Variants in ANKFN1 observed in about 807,000 individuals in gnomAD.
ANKFN1 encodes the protein ankyrin repeat and fibronectin type III domain containing 1.
A neutral mutation model predicts 108.7 loss-of-function variants in ANKFN1; 74 were observed. The ratio of observed to expected loss-of-function variants is 0.68; its 90% CI spans 0.56 to 0.83. ANKFN1 has a LOEUF of 0.83. Ranked by LOEUF, ANKFN1 falls within the 40% of genes least tolerant of loss-of-function variation. ANKFN1 has a pLI of 0.00. For synonymous variants in ANKFN1, 547 were observed against 516.2 expected, an observed-to-expected ratio of 1.06 and a Z score of -0.81; for missense variants, 1,505 against 1,382.3, an observed-to-expected ratio of 1.09 and a Z score of -1.41.
chr17:56,287,419 T>A (rs1221573630), intron 3 of ANKFN1, among the ~76,000 whole-genome samples: 1 of 152,176 alleles, frequency 6.6e-6, no homozygotes, highest in Non-Finnish European at 1.5e-5. Context: ...ACCTACCTCA[T>A]GCGTTTAGTT....
At chr17:56,359,681 G>A (rs2046463470) in intron 6 of ANKFN1, among the ~76,000 whole-genome samples, 1 of 152,140 alleles carries the variant, frequency 6.6e-6, no homozygotes, top group South Asian at 2.1e-4. Flanking sequence ...GTCTTGTCAG[G>A]ATGCACCACT....
At chr17:56,097,577 G>T (rs1905558325) in intron 4 of ANKFN1, among the ~76,000 whole-genome samples, 1 of 152,172 alleles carries the variant, frequency 6.6e-6, no homozygotes. Flanking sequence ...GGTCTGTTAG[G>T]GTGGAGTTTG....
At chr17:56,068,514 T>A (rs1905086270) in intron 4 of ANKFN1, among the ~76,000 whole-genome samples, 1 of 152,084 alleles carries the variant, frequency 6.6e-6, no homozygotes. Flanking sequence ...CTGAGCTATC[T>A]GAAAGGCAAA....
chr17:56,145,293 G>A (rs1908190904), intron 4 of ANKFN1, among the ~76,000 whole-genome samples: 1 of 152,196 alleles, frequency 6.6e-6, no homozygotes, highest in Non-Finnish European at 1.5e-5. Flanking sequence ...CAGAAAAATA[G>A]AATGTTTTTT....
At chr17:56,075,881 T>A (rs1339550576) in intron 4 of ANKFN1, among the ~76,000 whole-genome samples, 1 of 151,828 alleles carries the variant, frequency 6.6e-6, no homozygotes, top group Non-Finnish European at 1.5e-5. Context: ...CATAGGCGAG[T>A]GATAGTTTTT....
At chr17:56,310,003 A>G (rs1334058832) in intron 3 of ANKFN1, among the ~76,000 whole-genome samples, 1 of 152,190 alleles carries the variant, frequency 6.6e-6, no homozygotes, top group Non-Finnish European at 1.5e-5. Flanking sequence ...AAAGAGGATC[A>G]TCCGCTTCAC....
At chr17:56,200,083 G>A (rs553380876) in intron 1 of ANKFN1, among the ~76,000 whole-genome samples, 2 of 152,258 alleles carry the variant, frequency 1.3e-5, no homozygotes, top group East Asian at 3.9e-4. Flanking sequence ...CATGAATGAT[G>A]GCAAGCAGAT....
intron 1 of ANKFN1, among the ~76,000 whole-genome samples, chr17:56,196,758 A>G (rs887567215): frequency 6.6e-6 from 1 of 152,030 alleles, no homozygotes; most frequent in Admixed American, 6.6e-5. Context: ...AAAACAAAAA[A>G]TCCTGAGAAG....
chr17:56,331,361 A>G (rs934603397), intron 4 of ANKFN1, among the ~76,000 whole-genome samples: 1 of 152,186 alleles, frequency 6.6e-6, no homozygotes, highest in East Asian at 1.9e-4. Flanking sequence ...CCCACCTGTC[A>G]AGCATGGTTA....
intron 1 of ANKFN1, among the ~76,000 whole-genome samples, chr17:56,198,030 T>C (rs1304412536): frequency 6.6e-6 from 1 of 152,162 alleles, no homozygotes; most frequent in African/African-American, 2.4e-5. Flanking sequence ...ACAACCCTAA[T>C]GTGAACTGTG....
At chr17:56,120,000 T>C (rs1906514313) in intron 4 of ANKFN1, among the ~76,000 whole-genome samples, 1 of 152,192 alleles carries the variant, frequency 6.6e-6, no homozygotes, top group Non-Finnish European at 1.5e-5. Context: ...TTTTCGTTGC[T>C]GGCAGGGATG....
At chr17:56,334,758 G>C (rs2045760371) in intron 4 of ANKFN1, among the ~76,000 whole-genome samples, 1 of 152,070 alleles carries the variant, frequency 6.6e-6, no homozygotes, top group South Asian at 2.1e-4. Context: ...TTATATCAGA[G>C]CCATACTTTT....
intron 4 of ANKFN1, among the ~76,000 whole-genome samples, chr17:56,098,086 G>A (rs1022344976): frequency 4.6e-5 from 7 of 152,098 alleles, no homozygotes; most frequent in Admixed American, 3.9e-4. Context: ...GATTGGAGGA[G>A]GCAATATAAC....
At chr17:56,254,011 AG>A (rs1208801268) in intron 3 of ANKFN1, 1 of 152,226 alleles carries the variant, frequency 6.6e-6, no homozygotes, top group Non-Finnish European at 1.5e-5. Context: ...AAGGTTATAA[AG>A]GTCATATATT....
In ANKFN1 at chr17:56,440,436, C is replaced by G. The variant is rs202229290; in HGVS notation, c.1008+12C>G. ...CAGGACTTACAATGGTAAATGTCCC[C>G]AGTAGACTTTTCATTTCCCTATTGC... On this transcript the variant is annotated intron_variant, in intron 9 of 20. Transcript: ENST00000682825. The G allele has an allele frequency of 3.4e-4, 542 of 1,593,012 alleles. 6 individuals carry two copies. Among genetic ancestry groups the G allele is most frequent in the Middle Eastern group, 2.0e-3 (12 of 5,982 alleles).
intron 1 of ANKFN1, among the ~76,000 whole-genome samples, chr17:56,189,461 C>T (rs1021498210): frequency 2.6e-5 from 4 of 151,940 alleles, no homozygotes; most frequent in East Asian, 1.9e-4. Context: ...TGAGCCACCG[C>T]GCCCGGCCTG....
chr17:56,187,533 C>T lies in ANKFN1; in HGVS notation c.-70-25065C>T, dbSNP rs1293397506. On this transcript the variant is annotated intron_variant, in intron 1 of 20. Coordinates refer to ENST00000682825, the MANE Select transcript of ANKFN1 (RefSeq NM_001370326.1). ...CATTGTAGAAGACAGTGTGGTGATT[C>T]CTCAAGGATCTAGAACTAGAAATGC... 1.6e-4 allele frequency among the ~76,000 whole-genome samples: 24 copies of T among 152,278 alleles called. 1 individual carries two copies. In the East Asian group the frequency reaches 4.6e-3, roughly 29 times the overall value.
intron 3 of ANKFN1, among the ~76,000 whole-genome samples, chr17:56,297,062 G>A (rs976615633): frequency 6.6e-6 from 1 of 152,218 alleles, no homozygotes; most frequent in African/African-American, 2.4e-5. Context: ...GGGACAGTGT[G>A]AGACAATGAA....
chr17:56,264,667 A>C (rs2043603818), intron 3 of ANKFN1, among the ~76,000 whole-genome samples: 1 of 152,198 alleles, frequency 6.6e-6, no homozygotes, highest in Admixed American at 6.5e-5. Context: ...AGCATAGAGC[A>C]CTGACCTTGG....
Sources: gnomAD v4.1 joint callset for allele counts (sites outside exome capture counted in the v4.1 genomes callset) on GRCh38, gnomAD v4.1.1 for gene constraint, MANE v1.5 for transcripts, NCBI Gene and HGNC (gene_info 2026-07-23, HGNC 2026-07-21) for gene names.